RNF149: variants seen among roughly 807,000 people sequenced by gnomAD.
RNF149 encodes the protein ring finger protein 149.
RNF149 carries 21 observed loss-of-function variants against 39.0 expected under a neutral mutation model. The ratio of observed to expected loss-of-function variants is 0.54; its 90% CI spans 0.38 to 0.77. The LOEUF (loss-of-function observed/expected upper bound fraction) is 0.77, where lower values mean the gene tolerates loss of function less well. Among genes scored for constraint, RNF149 ranks in the 30% least tolerant of loss-of-function variants. The pLI is 0.00. For missense variants in RNF149, 493 were observed against 534.9 expected (o/e 0.92, Z 0.77); for synonymous variants, 209 against 213.6 (o/e 0.98, Z 0.19).
intron 5 of RNF149, among the ~76,000 whole-genome samples, 176 bp from the exon 6 acceptor site, chr2:101,282,233 G>C (rs1012627545): frequency 3.3e-5 from 5 of 151,230 alleles, no homozygotes. Flanking sequence ...ATTCCTTCTC[G>C]ACAACCAATC....
At position 101,300,288 on chromosome 2, in the gene RNF149, AG is replaced by A. The variant is rs1464508695; in HGVS notation, c.461-5108del. Among the ~76,000 whole-genome samples, 16 of 152,288 alleles carry A rather than the reference AG, an allele frequency of 1.1e-4. No individual in the cohort carries two copies. The South Asian group carries it at 1.5e-3, about 14-fold the overall frequency. On this transcript the variant is annotated intron_variant, in intron 1 of 6. Coordinates refer to ENST00000295317, the MANE Select transcript of RNF149 (RefSeq NM_173647.4). The stretch of plus-strand genomic sequence containing the variant: ...TGGCTGGTGACTAAGATACATGTAA[AG>A]GTACCTTGTTGAATAAATGAACAGA...
downstream of RNF149, chr2:101,272,758 A>T: frequency 2.8e-6 from 1 of 361,600 alleles, no homozygotes; most frequent in South Asian, 2.2e-5. Context: ...TGCTCAAAAG[A>T]AAAGACTATT....
Position 101,291,118 on chromosome 2 carries a change from A to G in RNF149, c.781-2063T>C, listed in dbSNP as rs142558874. The stretch of plus-strand genomic sequence containing the variant: ...TTAGCCATGTGCACCACCTGTCAAT[A>G]TGGAAGCAGTAAACATTTTATTATT... On this transcript the variant is annotated intron_variant, in intron 3 of 6. Transcript: ENST00000295317. Among the ~76,000 whole-genome samples, 283 of 152,284 alleles carry G rather than the reference A, an allele frequency of 1.9e-3. 1 individual carries two copies. The highest frequency in any genetic ancestry group is 6.4e-3 in the African/African-American group (267 of 41,554).
At chr2:101,287,761 C>T (rs1400124792) in intron 4 of RNF149, among the ~76,000 whole-genome samples, 3 of 152,298 alleles carry the variant, frequency 2.0e-5, no homozygotes, top group Middle Eastern at 3.4e-3. Context: ...CATTTGGTTA[C>T]CCTGATACTC....
At chr2:101,303,281 A>AT (rs57224969) in intron 1 of RNF149, among the ~76,000 whole-genome samples, 3 of 135,168 alleles carry the variant, frequency 2.2e-5, no homozygotes, top group Non-Finnish European at 4.8e-5. Flanking sequence ...ACGTTGGCTC[A>AT]TTTTTTTTTT....
chr2:101,300,234 A>C (rs999605153), intron 1 of RNF149, among the ~76,000 whole-genome samples: 1 of 152,160 alleles, frequency 6.6e-6, no homozygotes, highest in Non-Finnish European at 1.5e-5. Context: ...CCACAACAAA[A>C]TATATTTGGG....
chr2:101,305,986 A>G (rs1435811887), intron 1 of RNF149, among the ~76,000 whole-genome samples: 4 of 152,234 alleles, frequency 2.6e-5, no homozygotes, highest in Non-Finnish European at 5.9e-5. Flanking sequence ...TCTCTCAAAC[A>G]GAATTATTCT....
intron 3 of RNF149, 127 bp from the exon 4 acceptor site, chr2:101,289,182 A>C: frequency 1.7e-6 from 1 of 605,332 alleles, no homozygotes; most frequent in Non-Finnish European, 3.0e-6. Flanking sequence ...TGAAATTAAA[A>C]CACAAATAAC....
In RNF149 at chr2:101,308,229, G is replaced by A. The variant is rs761842730; in HGVS notation, c.360C>T (p.Phe120=). 3 of 1,604,430 alleles carry A rather than the reference G, an allele frequency of 1.9e-6. No homozygotes were observed. The highest frequency in any genetic ancestry group is 1.8e-4 in the Middle Eastern group (1 of 5,448). Residue 120 remains phenylalanine (F), a synonymous_variant, in exon 1 of 7, where the codon TTC becomes TTT. Coordinates refer to ENST00000295317, the MANE Select transcript of RNF149 (RefSeq NM_173647.4). ...GCGCCGCCACCAGCACCTTGTCCTT[G>A]AAGGTGCAGCCCCCACGAGCCACCA... ...VALVARGGCT[F]KDKVLVAARR...
rs1011638940 is a variant in RNF149, at chr2:101,275,759, G to A, written c.*1479C>T. 2.2e-5 allele frequency: 22 copies of A among 978,888 alleles called. No individual in the cohort carries two copies. Among genetic ancestry groups the A allele is most frequent in the South Asian group, 4.7e-5 (1 of 21,162 alleles). 60.6% of individuals were successfully genotyped at this position (978,888 alleles called of 1,614,324 possible). On this transcript the variant is annotated 3_prime_UTR_variant, in exon 7 of 7. Transcript: ENST00000295317. ...CCCGGCCCTCCTAGTATTTCTTAAA[G>A]ACAAAGAGCAAACAATCTACTTGCT...
chr2:101,289,500 A>T (rs1036474520), intron 3 of RNF149, among the ~76,000 whole-genome samples: 3 of 151,964 alleles, frequency 2.0e-5, no homozygotes, highest in Non-Finnish European at 4.4e-5. Context: ...GGGTCAGGAG[A>T]TTGAGACCAT....
intron 4 of RNF149, among the ~76,000 whole-genome samples, chr2:101,288,479 A>AT (rs1005549677): frequency 6.6e-6 from 1 of 151,928 alleles, no homozygotes; most frequent in Non-Finnish European, 1.5e-5. Context: ...TCAGCCTCCC[A>AT]AAGTGCTGGG....
At chr2:101,297,244 GAA>G (rs1330974362) in intron 1 of RNF149, among the ~76,000 whole-genome samples, 5 of 150,388 alleles carry the variant, frequency 3.3e-5, no homozygotes, top group South Asian at 2.1e-4. Flanking sequence ...GGTCAACTTG[GAA>G]AAAATAGATG....
chr2:101,273,480 T>C (rs908050620), downstream of RNF149: 5 of 319,534 alleles, frequency 1.6e-5, no homozygotes, highest in East Asian at 8.9e-5. Flanking sequence ...TTGTTTCTTT[T>C]TTTTTTTTTT....
At chr2:101,304,593 T>C (rs971780635) in intron 1 of RNF149, among the ~76,000 whole-genome samples, 1 of 152,112 alleles carries the variant, frequency 6.6e-6, no homozygotes, top group African/African-American at 2.4e-5. Flanking sequence ...GGAGGTATAA[T>C]ACTTAACCCA....
At position 101,291,512 on chromosome 2, in the gene RNF149, G is replaced by A. The variant is rs559213891; in HGVS notation, c.781-2457C>T. 2.0e-5 allele frequency among the ~76,000 whole-genome samples: 3 copies of A among 151,552 alleles called. No homozygotes were observed. In the East Asian group the frequency reaches 5.8e-4, roughly 29 times the overall value. On this transcript the variant is annotated intron_variant, in intron 3 of 6. Transcript: ENST00000295317. ...TGCCCAGGCTGGTTTTGAACTCCTG[G>A]ACTCAAGAGATCCTCCTGCCTCAGT...
rs72986716 is a variant in RNF149 at position 101,278,911 on chromosome 2, G to A, written c.1160-1630C>T. On this transcript the variant is annotated intron_variant, in intron 6 of 6. Transcript: ENST00000295317. ...AGAGTGGAAGGTGCACTTCCACAGG[G>A]AAACACCTTCTCCAGGGTCTACCAT... is the stretch of plus-strand genomic sequence containing the variant. Among the ~76,000 whole-genome samples, 370 of 152,284 alleles carry A rather than the reference G, an allele frequency of 2.4e-3. 2 individuals are homozygous for A. Among genetic ancestry groups the A allele is most frequent in the African/African-American group, 8.3e-3 (343 of 41,562 alleles).
chr2:101,293,797 A>G (rs1011069834), intron 3 of RNF149, among the ~76,000 whole-genome samples: 2 of 152,170 alleles, frequency 1.3e-5, no homozygotes, highest in Admixed American at 6.5e-5. Flanking sequence ...TGTGGCTCCC[A>G]AAGTGCTTGA....
chr2:101,283,286 A>T (rs1334554047), intron 5 of RNF149, among the ~76,000 whole-genome samples: 1 of 152,190 alleles, frequency 6.6e-6, no homozygotes, highest in Non-Finnish European at 1.5e-5. Flanking sequence ...CCAGAAAGTG[A>T]AATCTTCAAG....
Sources: allele counts gnomAD v4.1 joint callset (sites outside exome capture counted in the v4.1 genomes callset), GRCh38; gene constraint gnomAD v4.1.1; transcripts MANE v1.5; gene names NCBI Gene and HGNC (gene_info 2026-07-23, HGNC 2026-07-21).